Variants in EIF2AK1 observed in about 807,000 individuals in gnomAD.
The protein encoded by EIF2AK1 is eukaryotic translation initiation factor 2 alpha kinase 1.
A neutral mutation model predicts 77.9 loss-of-function variants in EIF2AK1; 54 were observed. The observed-to-expected ratio is 0.69, with a 90% CI of 0.56 to 0.87. The LOEUF (loss-of-function observed/expected upper bound fraction) is 0.87. Ranked by LOEUF, EIF2AK1 falls within the 40% of genes least tolerant of loss-of-function variation. The pLI is 0.00. For synonymous variants in EIF2AK1, 314 were observed against 290.5 expected (o/e 1.08, Z -0.82); for missense variants, 810 against 768.6 (o/e 1.05, Z -0.64).
chr7:6,039,874 T>G (rs1788245355), intron 9 of EIF2AK1, among the ~76,000 whole-genome samples: 1 of 150,996 alleles, frequency 6.6e-6, no homozygotes, highest in Non-Finnish European at 1.5e-5. Context: ...GAGGCAGAGG[T>G]TTCAGTGAGC....
chr7:6,028,605 CA>C lies in EIF2AK1; in HGVS notation c.1530+9del. ...AGTTGAATGAAAGGGCAGAAAGCAA[CA>C]AATACTACCTTGGCATCATACTCAG... On this transcript the variant is annotated intron_variant, in intron 13 of 14. Transcript: ENST00000199389. The C allele has an allele frequency of 6.2e-7, 1 of 1,613,848 alleles. No homozygotes were observed. Among genetic ancestry groups the C allele is most frequent in the Non-Finnish European group, 8.5e-7 (1 of 1,179,732 alleles).
intron 11 of EIF2AK1, among the ~76,000 whole-genome samples, chr7:6,034,167 C>T (rs927682215): frequency 4.6e-5 from 7 of 151,726 alleles, no homozygotes; most frequent in Non-Finnish European, 1.0e-4. Flanking sequence ...ACTAGCCAGG[C>T]GTGGTGGCGG....
intron 1 of EIF2AK1, among the ~76,000 whole-genome samples, chr7:6,058,694 C>T (rs1345942961): frequency 1.6e-4 from 24 of 152,230 alleles, no homozygotes; most frequent in Admixed American, 1.6e-3. Context: ...ATGTCCCCAG[C>T]CATCCGAAGG....
chr7:6,052,106 A>G (rs1302855535), intron 2 of EIF2AK1, among the ~76,000 whole-genome samples: 1 of 142,744 alleles, frequency 7.0e-6, no homozygotes, highest in Admixed American at 7.5e-5. Flanking sequence ...CAGAAGGTGG[A>G]GGTTGCAGTG....
At chr7:6,051,956 A>C (rs1365791439) in intron 2 of EIF2AK1, among the ~76,000 whole-genome samples, 2 of 151,994 alleles carry the variant, frequency 1.3e-5, no homozygotes, top group East Asian at 3.9e-4. Flanking sequence ...GTGGATCATG[A>C]GGTCACGAGA....
At chr7:6,025,167 G>T (rs565777034) in intron 14 of EIF2AK1, among the ~76,000 whole-genome samples, 56 of 152,006 alleles carry the variant, frequency 3.7e-4, no homozygotes, top group Non-Finnish European at 6.5e-4. Context: ...AAAAACTTTT[G>T]CAAGATAGTA....
rs547950459 is a variant in EIF2AK1, at chr7:6,036,087, C to G, written c.1332+1337G>C. 2.5e-5 allele frequency: 39 copies of G among 1,551,028 alleles called. No individual in the cohort carries two copies. In the African/African-American group the frequency reaches 5.1e-4, roughly 20 times the overall value. On this transcript the variant is annotated intron_variant, in intron 11 of 14. Coordinates refer to ENST00000199389, the MANE Select transcript of EIF2AK1 (RefSeq NM_014413.4). The surrounding 1 kb of genome is among the most constrained non-coding windows in gnomAD (Gnocchi z 4.6). ...GGAATCTCCAATTTATATGTACCTT[C>G]AGCGCAGTTGCAATGTAAGAGATAC...
intron 3 of EIF2AK1, among the ~76,000 whole-genome samples, chr7:6,049,482 G>GC (rs1788542971): frequency 6.6e-6 from 1 of 152,178 alleles, no homozygotes; most frequent in Non-Finnish European, 1.5e-5. Flanking sequence ...GGCAGAGGTT[G>GC]CAATGAGCCA....
chr7:6,041,474 G>A (rs558842167), intron 8 of EIF2AK1, among the ~76,000 whole-genome samples: 1 of 152,092 alleles, frequency 6.6e-6, no homozygotes, highest in Admixed American at 6.6e-5. Flanking sequence ...AGGAGATGGA[G>A]GTTATAGTGA....
chr7:6,043,261 G>A (rs1175188829), intron 7 of EIF2AK1, among the ~76,000 whole-genome samples: 1 of 152,052 alleles, frequency 6.6e-6, no homozygotes, highest in Non-Finnish European at 1.5e-5. Context: ...GGACTCTGCT[G>A]TAACTGAACA....
intron 11 of EIF2AK1, among the ~76,000 whole-genome samples, chr7:6,037,208 G>A (rs868517809): frequency 2.1e-4 from 32 of 151,754 alleles, no homozygotes; most frequent in Non-Finnish European, 3.8e-4. Flanking sequence ...TCCAACGTGG[G>A]TGACAGAGCG....
chr7:6,057,092 AGACCAGACTG>A (rs1335000446), intron 1 of EIF2AK1, among the ~76,000 whole-genome samples: 13 of 147,944 alleles, frequency 8.8e-5, no homozygotes, highest in Non-Finnish European at 1.9e-4. Context: ...CAGGAGTTTG[AGACCAGACTG>A]GGCAACAAAA....
intron 2 of EIF2AK1, among the ~76,000 whole-genome samples, chr7:6,051,014 C>T (rs953697416): frequency 2.1e-4 from 32 of 152,170 alleles, no homozygotes; most frequent in African/African-American, 7.5e-4. Flanking sequence ...ACAAACTCTT[C>T]TGACATTCCA....
rs751929914 is a variant in EIF2AK1, at chr7:6,036,553, C to T, written c.1332+871G>A. Among the ~76,000 whole-genome samples, 26 of 150,734 alleles carry T rather than the reference C, an allele frequency of 1.7e-4. No homozygotes were observed. The highest frequency in any genetic ancestry group is 3.1e-4 in the Non-Finnish European group (21 of 67,854). On this transcript the variant is annotated intron_variant, in intron 11 of 14. Transcript: ENST00000199389. The surrounding 1 kb of genome is among the most constrained non-coding windows in gnomAD (Gnocchi z 4.6). ...AAATACAAAGTGATTTGTCTATTAA[C>T]ATTTTTGTTCCTAGGTTTTTTTTTT...
chr7:6,026,733 C>T lies in EIF2AK1; in HGVS notation c.1759G>A (p.Gly587Arg). ...LLQSELFQNS[G>R]NVNLTLQMKI... is the part of the protein sequence containing the mutation. Reference sequence around the variant, plus strand: ...AGAGAAAGAAAAGCACATACATTTCCAGAATTTTGGAAAAGTTCACTCTGC... The same window carrying T: ...AGAGAAAGAAAAGCACATACATTTCTAGAATTTTGGAAAAGTTCACTCTGC... Residue 587 changes from glycine (G) to arginine (R), a missense_variant, in exon 14 of 15, where the codon GGA becomes AGA. By Grantham distance (125) the Gly-to-Arg change is moderately radical (BLOSUM62 -2). This residue lies in a region of EIF2AK1 where 549 missense variants were observed against 533.7 expected (regional missense o/e 1.03). Coordinates refer to ENST00000199389, the MANE Select transcript of EIF2AK1 (RefSeq NM_014413.4). The T allele has an allele frequency of 6.2e-7, 1 of 1,613,504 alleles. No homozygotes were observed. Among genetic ancestry groups the T allele is most frequent in the Non-Finnish European group, 8.5e-7 (1 of 1,179,432 alleles).
Position 6,050,345 on chromosome 7 carries a change from C to T in EIF2AK1, c.278-300G>A, listed in dbSNP as rs141242167. Among the ~76,000 whole-genome samples, 306 of 152,164 alleles carry T rather than the reference C, an allele frequency of 2.0e-3. 2 individuals carry two copies. Among genetic ancestry groups the T allele is most frequent in the African/African-American group, 7.2e-3 (297 of 41,520 alleles). On this transcript the variant is annotated intron_variant, in intron 2 of 14. Coordinates refer to ENST00000199389, the MANE Select transcript of EIF2AK1 (RefSeq NM_014413.4). ...AAGTAGCTGGGATTACAGGCGTGTG[C>T]CACCATGCCCAGCTAATTTTTCTAT...
intron 4 of EIF2AK1, chr7:6,047,907 T>G (rs1321032118): frequency 6.6e-6 from 1 of 152,066 alleles, no homozygotes; most frequent in African/African-American, 2.4e-5. Flanking sequence ...GATGCCAGAC[T>G]TAATGTGGAC....
chr7:6,052,997 T>C (rs1021010822), intron 2 of EIF2AK1, among the ~76,000 whole-genome samples: 10 of 152,166 alleles, frequency 6.6e-5, no homozygotes, highest in Non-Finnish European at 1.0e-4. Context: ...TATCATAGTA[T>C]AGATGCAAAA....
In EIF2AK1 at chr7:6,038,688, T is replaced by G; in HGVS notation, c.1120-17A>C. ...GTACTGTGCCTAGGAGAGGACACAG[T>G]GATGGCTCCCATCTTTGCACGATTC... On this transcript the variant is annotated splice_polypyrimidine_tract_variant and intron_variant, in intron 9 of 14. Transcript: ENST00000199389. 6.3e-7 allele frequency: 1 copy of G among 1,583,734 alleles called. No homozygotes were observed. Among genetic ancestry groups the G allele is most frequent in the Non-Finnish European group, 8.6e-7 (1 of 1,161,050 alleles).
Sources: allele counts gnomAD v4.1 joint callset (sites outside exome capture counted in the v4.1 genomes callset), GRCh38; gene constraint gnomAD v4.1.1; regional missense constraint gnomAD v4.1.1; non-coding constraint Gnocchi (gnomAD v3.1); transcripts MANE v1.5; gene names NCBI Gene and HGNC (gene_info 2026-07-23, HGNC 2026-07-21).